ASTN2: variants seen among roughly 807,000 people sequenced by gnomAD.
ASTN2 encodes the protein astrotactin-2.
Under a neutral mutation model 139.8 loss-of-function variants are expected in ASTN2, and 54 were observed. The ratio of observed to expected loss-of-function variants is 0.39; its 90% CI spans 0.31 to 0.48. The LOEUF (loss-of-function observed/expected upper bound fraction) is 0.48, where lower values mean the gene tolerates loss of function less well. ASTN2 is among the 20% of genes least tolerant of loss of function. The pLI, the probability that ASTN2 is intolerant of heterozygous loss-of-function variation, is 0.95. For synonymous variants in ASTN2, 756 were observed against 719.5 expected (o/e 1.05, Z -0.81); for missense variants, 1,565 against 1,725.1 (o/e 0.91, Z 1.64).
At chr9:116,575,518 G>T (rs2131699360) in intron 19 of ASTN2, among the ~76,000 whole-genome samples, 1 of 152,204 alleles carries the variant, frequency 6.6e-6, no homozygotes, top group South Asian at 2.1e-4. Flanking sequence ...TAGAGAAAAA[G>T]CACATCTTTA....
intron 16 of ASTN2, among the ~76,000 whole-genome samples, chr9:116,669,217 AG>A (rs1859045793): frequency 6.6e-6 from 1 of 152,206 alleles, no homozygotes; most frequent in African/African-American, 2.4e-5. Context: ...CCCTTATCCT[AG>A]GAATTTCTGC....
At chr9:116,610,293 A>C (rs1355997850) in intron 19 of ASTN2, among the ~76,000 whole-genome samples, 1 of 152,192 alleles carries the variant, frequency 6.6e-6, no homozygotes, top group Admixed American at 6.6e-5. Flanking sequence ...CTTTTAATAC[A>C]AAGCAATGAT....
chr9:117,313,991 T>G (rs1390656353), intron 1 of ASTN2, among the ~76,000 whole-genome samples: 3 of 152,160 alleles, frequency 2.0e-5, no homozygotes, highest in Non-Finnish European at 4.4e-5. Context: ...CCCTCCTTGT[T>G]TTGTGCAAAA....
chr9:117,003,873 G>A (rs1837267010), intron 7 of ASTN2, among the ~76,000 whole-genome samples: 1 of 151,378 alleles, frequency 6.6e-6, no homozygotes, highest in African/African-American at 2.4e-5. Context: ...CAGATGCAGA[G>A]ATATATAATC....
intron 11 of ASTN2, among the ~76,000 whole-genome samples, chr9:116,833,361 C>T (rs1224150357): frequency 6.6e-6 from 1 of 150,686 alleles, no homozygotes; most frequent in African/African-American, 2.4e-5. Context: ...TTTTTTGTTT[C>T]ATTAACTTCG....
chr9:116,915,187 T>C (rs1834407939), intron 10 of ASTN2, among the ~76,000 whole-genome samples: 1 of 152,202 alleles, frequency 6.6e-6, no homozygotes, highest in South Asian at 2.1e-4. Flanking sequence ...ATATCTGGGC[T>C]GATATCTTAA....
chr9:116,486,869 G>C (rs553890741), intron 20 of ASTN2, among the ~76,000 whole-genome samples: 16 of 152,116 alleles, frequency 1.1e-4, no homozygotes, highest in Non-Finnish European at 1.6e-4. Flanking sequence ...TTTTTAAAAG[G>C]CTGGCTGGAT....
chr9:116,785,201 C>T (rs922937109), intron 13 of ASTN2, among the ~76,000 whole-genome samples: 3 of 152,142 alleles, frequency 2.0e-5, no homozygotes. Context: ...ACTGGGAGCT[C>T]ATCCTCAGTC....
chr9:116,958,885 T>C (rs945826206), intron 10 of ASTN2, among the ~76,000 whole-genome samples: 1 of 152,122 alleles, frequency 6.6e-6, no homozygotes, highest in Non-Finnish European at 1.5e-5. Context: ...GGAAACACTA[T>C]GAAATGGGTT....
At chr9:116,578,619 CGT>C (rs71377254) in intron 19 of ASTN2, among the ~76,000 whole-genome samples, 19,345 of 137,168 alleles carry the variant, frequency 0.14, 1,283 homozygotes, top group African/African-American at 0.18. Flanking sequence ...CTGGCTCCAA[CGT>C]GTGTGTGTGT....
intron 4 of ASTN2, among the ~76,000 whole-genome samples, chr9:117,119,024 G>A (rs1829475571): frequency 6.6e-6 from 1 of 152,190 alleles, no homozygotes; most frequent in South Asian, 2.1e-4. Context: ...ACCTGCAGGA[G>A]TTCAGGACCT....
At chr9:116,789,167 G>C (rs911092768) in intron 13 of ASTN2, among the ~76,000 whole-genome samples, 6 of 152,164 alleles carry the variant, frequency 3.9e-5, no homozygotes, top group African/African-American at 1.4e-4. Flanking sequence ...GGCATGACAA[G>C]TAAGAACAAT....
chr9:116,715,771 T>C (rs1281813519), intron 16 of ASTN2, among the ~76,000 whole-genome samples: 1 of 152,068 alleles, frequency 6.6e-6, no homozygotes, highest in African/African-American at 2.4e-5. Context: ...TAGCACCTCA[T>C]ATTAGGGGCT....
At chr9:116,536,549 T>C (rs1851637032) in intron 19 of ASTN2, among the ~76,000 whole-genome samples, 1 of 152,236 alleles carries the variant, frequency 6.6e-6, no homozygotes, top group Non-Finnish European at 1.5e-5. Flanking sequence ...GGATGTCCTT[T>C]CTGTTTGTTA....
At chr9:116,506,907 C>T (rs1303636118) in intron 19 of ASTN2, among the ~76,000 whole-genome samples, 2 of 152,118 alleles carry the variant, frequency 1.3e-5, no homozygotes, top group Non-Finnish European at 2.9e-5. Flanking sequence ...CTTTGTGACT[C>T]ACCTGCCCTC....
intron 4 of ASTN2, among the ~76,000 whole-genome samples, chr9:117,138,796 CTT>C (rs1380123663): frequency 1.3e-5 from 2 of 152,108 alleles, no homozygotes; most frequent in African/African-American, 4.8e-5. Context: ...TTAAAACAGA[CTT>C]TTATTAATAA....
intron 6 of ASTN2, among the ~76,000 whole-genome samples, chr9:117,009,399 T>TAC (rs1206015462): frequency 3.3e-5 from 5 of 152,154 alleles, no homozygotes; most frequent in East Asian, 1.9e-4. Flanking sequence ...CACATATACA[T>TAC]ACACACACAC....
At chr9:116,900,626 A>G (rs1833984172) in intron 10 of ASTN2, among the ~76,000 whole-genome samples, 1 of 152,182 alleles carries the variant, frequency 6.6e-6, no homozygotes, top group Non-Finnish European at 1.5e-5. Flanking sequence ...CGATTCTTCA[A>G]GGCAGCACAC....
At chr9:117,021,467 C>T (rs1837877138) in intron 6 of ASTN2, among the ~76,000 whole-genome samples, 3 of 152,270 alleles carry the variant, frequency 2.0e-5, no homozygotes, top group African/African-American at 7.2e-5. Flanking sequence ...CAGGAATGGG[C>T]ATGCGCAGAG....
Sources: allele counts gnomAD v4.1 joint callset (sites outside exome capture counted in the v4.1 genomes callset), GRCh38; gene constraint gnomAD v4.1.1; transcripts MANE v1.5; gene names NCBI Gene and HGNC (gene_info 2026-07-23, HGNC 2026-07-21).